The following ATAD2B variants were observed in gnomAD, a reference collection of about 807,000 sequenced individuals.
ATAD2B encodes the protein ATPase family AAA domain containing 2B, also known as ATPase family AAA domain-containing protein 2B.
A neutral mutation model predicts 167.6 loss-of-function variants in ATAD2B; 40 were observed. That is an observed-to-expected ratio of 0.24 (90% CI 0.19 to 0.31). ATAD2B has a LOEUF of 0.31. Ranked by LOEUF, ATAD2B falls within the 10% of genes least tolerant of loss-of-function variation. The pLI is 1.00. For synonymous variants in ATAD2B, 579 were observed against 596.5 expected (o/e 0.97, Z 0.43); for missense variants, 1,242 against 1,757.2 (o/e 0.71, Z 5.24).
chr2:23,850,206 A>G (rs1692352955), intron 13 of ATAD2B, among the ~76,000 whole-genome samples: 2 of 152,130 alleles, frequency 1.3e-5, no homozygotes, highest in South Asian at 4.1e-4. Flanking sequence ...CTAAATTAGA[A>G]GTAAATAACA....
chr2:23,781,261 G>A (rs1299125336), intron 22 of ATAD2B, among the ~76,000 whole-genome samples: 3 of 151,518 alleles, frequency 2.0e-5, no homozygotes, highest in Non-Finnish European at 4.4e-5. Context: ...GATGGGTCAA[G>A]AGAAAAATTA....
chr2:23,840,413 A>C (rs1199281686), intron 13 of ATAD2B, among the ~76,000 whole-genome samples: 2 of 152,190 alleles, frequency 1.3e-5, no homozygotes, highest in Non-Finnish European at 2.9e-5. Context: ...AGTTTTTTTC[A>C]AAGAACCAAC....
rs62125899 is a variant in ATAD2B at position 23,819,819 on chromosome 2, T to A, written c.2195A>T (p.Asn732Ile). The change falls in exon 17 of 28, where the codon AAT becomes ATT. Residue 732 changes from asparagine (N) to isoleucine (I), a missense_variant. Asn to Ile is a moderately radical substitution (Grantham distance 149). Around this residue, in one of 9 missense-constraint regions of ATAD2B, gnomAD observed 145 missense variants for 181.9 expected, o/e 0.80. Coordinates refer to ENST00000238789, the MANE Select transcript of ATAD2B (RefSeq NM_017552.4). ...TTTCTTTGGTGATCCTGAGTGACAA[T>A]TGGTCTCAAAAATTGATAAAGCATT... ...DENALSIFETNCHSGSPKKQS... is the reference protein window; with the variant it reads ...DENALSIFETICHSGSPKKQS... The A allele has an allele frequency of 6.2e-7, 1 of 1,602,626 alleles. No homozygotes were observed. The highest frequency in any genetic ancestry group is 1.3e-5 in the African/African-American group (1 of 74,684).
intron 1 of ATAD2B, among the ~76,000 whole-genome samples, chr2:23,913,312 A>G (rs1003591896): frequency 8.5e-5 from 13 of 152,176 alleles, no homozygotes; most frequent in African/African-American, 3.1e-4. Flanking sequence ...TACAGATTAA[A>G]ATCTATGAAT....
At chr2:23,894,332 T>C (rs1209847371) in intron 2 of ATAD2B, among the ~76,000 whole-genome samples, 1 of 151,844 alleles carries the variant, frequency 6.6e-6, no homozygotes, top group Non-Finnish European at 1.5e-5. Context: ...AAATACAAAA[T>C]TAGCTGGGCG....
chr2:23,689,369 G>C, the ATAD2B span: 1 of 152,534 alleles, frequency 6.6e-6, no homozygotes, highest in Non-Finnish European at 1.5e-5. Flanking sequence ...CCACTCCCTG[G>C]CTCAGACTGT....
chr2:23,900,116 C>T (rs1272093707), intron 1 of ATAD2B, among the ~76,000 whole-genome samples: 1 of 151,928 alleles, frequency 6.6e-6, no homozygotes, highest in Non-Finnish European at 1.5e-5. Flanking sequence ...CAGCGTTTCA[C>T]TGTGTTGGCC....
rs776650637 is a variant in ATAD2B at position 23,788,609 on chromosome 2, C to A, written c.2679G>T (p.Leu893Phe). 1 of 1,602,384 alleles carries A rather than the reference C, an allele frequency of 6.2e-7. No individual in the cohort carries two copies. The highest frequency in any genetic ancestry group is 1.7e-5 in the Admixed American group (1 of 59,868). Reference protein sequence around the residue: ...CIFRIQYEEVLYIQRPIEEDR... With the variant: ...CIFRIQYEEVFYIQRPIEEDR... ...CTTCTTCAATAGGCCTTTGAATATA[C>A]AAGACCTCTTCATACTGTATTCTAA... Residue 893 changes from leucine (L) to phenylalanine (F), a missense_variant, in exon 20 of 28, where the codon TTG becomes TTT. Physicochemically the swap from Leu to Phe is conservative, Grantham distance 22. Transcript: ENST00000238789.
intron 16 of ATAD2B, among the ~76,000 whole-genome samples, chr2:23,821,225 G>A (rs1229595258): frequency 6.6e-6 from 1 of 152,060 alleles, no homozygotes; most frequent in Non-Finnish European, 1.5e-5. Flanking sequence ...AAAGCTATAA[G>A]AAAACATAGA....
chr2:23,783,629 A>G lies in ATAD2B; in HGVS notation c.2974-601T>C, dbSNP rs945997734. Among the ~76,000 whole-genome samples, 3 of 152,068 alleles carry G rather than the reference A, an allele frequency of 2.0e-5. No homozygotes were observed. In the East Asian group the frequency reaches 5.8e-4, roughly 29 times the overall value. On this transcript the variant is annotated intron_variant, in intron 21 of 27. Coordinates refer to ENST00000238789, the MANE Select transcript of ATAD2B (RefSeq NM_017552.4). ...GTCCCTAAGTATAAAGAAATCTACAAACAAACAAACATGCTGCTTTCTGTG... is the reference window on the plus strand; with the variant it reads ...GTCCCTAAGTATAAAGAAATCTACAGACAAACAAACATGCTGCTTTCTGTG...
chr2:23,880,547 A>T, intron 7 of ATAD2B, 92 bp downstream of exon 7: 2 of 713,246 alleles, frequency 2.8e-6, no homozygotes, highest in Non-Finnish European at 4.7e-6. Context: ...TGGGCGATGG[A>T]GCGAGACTCT....
At chr2:23,905,858 C>T (rs534341923) in intron 1 of ATAD2B, among the ~76,000 whole-genome samples, 1 of 152,138 alleles carries the variant, frequency 6.6e-6, no homozygotes, top group African/African-American at 2.4e-5. Flanking sequence ...AAGGTAGTCC[C>T]TGCCTTTCAT....
At chr2:23,740,840 C>A in the ATAD2B span, among the ~76,000 whole-genome samples, 4 of 152,138 alleles carry the variant, frequency 2.6e-5, no homozygotes, top group African/African-American at 9.7e-5. Context: ...AGCTGATAAG[C>A]AACTTCAGCA....
At chr2:23,838,157 G>A (rs1460448227) in intron 13 of ATAD2B, among the ~76,000 whole-genome samples, 2 of 152,164 alleles carry the variant, frequency 1.3e-5, no homozygotes, top group African/African-American at 4.8e-5. Context: ...TATGTGTGAA[G>A]GAAGGATGTG....
chr2:23,725,029 C>G, the ATAD2B span, among the ~76,000 whole-genome samples: 1 of 97,948 alleles, frequency 1.0e-5, no homozygotes. Context: ...GACGACAGAG[C>G]AAGACTCTGT....
chr2:23,705,363 C>T, the ATAD2B span, among the ~76,000 whole-genome samples: 3 of 152,008 alleles, frequency 2.0e-5, no homozygotes, highest in Non-Finnish European at 4.4e-5. Flanking sequence ...TGGTGGCAGG[C>T]GCCTGTAATC....
intron 22 of ATAD2B, among the ~76,000 whole-genome samples, chr2:23,771,919 A>C (rs1384514790): frequency 1.3e-5 from 2 of 152,114 alleles, no homozygotes; most frequent in African/African-American, 4.8e-5. Flanking sequence ...AACCCAAACC[A>C]CTGTGGCCTC....
rs1281628927 is a variant in ATAD2B, at chr2:23,807,891, T to C, written c.2454+2425A>G. 3.3e-5 allele frequency among the ~76,000 whole-genome samples: 4 copies of C among 122,588 alleles called. No homozygotes were observed. The East Asian group carries it at 6.2e-4, about 19-fold the overall frequency. 80.4% of individuals were successfully genotyped at this position (122,588 alleles called of 152,430 possible). On this transcript the variant is annotated intron_variant, in intron 18 of 27. Coordinates refer to ENST00000238789, the MANE Select transcript of ATAD2B (RefSeq NM_017552.4). ...ATTTTATATATAAAAAATAAATGTA[T>C]ATAATAAAATATATAAATATAAATA...
At chr2:23,802,789 G>GT (rs759436182) in intron 18 of ATAD2B, among the ~76,000 whole-genome samples, 13 of 152,004 alleles carry the variant, frequency 8.6e-5, no homozygotes, top group Non-Finnish European at 1.6e-4. Context: ...ATACACACAG[G>GT]TAAGTACATT....
Sources: gnomAD v4.1 joint callset for allele counts (sites outside exome capture counted in the v4.1 genomes callset) on GRCh38, gnomAD v4.1.1 for gene constraint, gnomAD v4.1.1 regional missense constraint, MANE v1.5 for transcripts, NCBI Gene and HGNC (gene_info 2026-07-23, HGNC 2026-07-21) for gene names.